The following SRGAP2 variants were observed in gnomAD, a reference collection of about 807,000 sequenced individuals.
SRGAP2 encodes SLIT-ROBO Rho GTPase-activating protein 2.
SRGAP2 carries 15 observed loss-of-function variants against 57.2 expected under a neutral mutation model. The ratio of observed to expected loss-of-function variants is 0.26; its 90% confidence interval spans 0.18 to 0.40. The LOEUF (loss-of-function observed/expected upper bound fraction) is 0.40. Among genes scored for constraint, SRGAP2 ranks in the 10% least tolerant of loss-of-function variants. The pLI is 1.00. For missense variants in SRGAP2, 520 were observed against 669.6 expected, an observed-to-expected ratio of 0.78 and a Z score of 2.47; for synonymous variants, 249 against 248.0, an observed-to-expected ratio of 1.00 and a Z score of -0.04.
At chr1:206,310,231 A>T (rs1672538934) in intron 3 of SRGAP2, among the ~76,000 whole-genome samples, 1 of 151,428 alleles carries the variant, frequency 6.6e-6, no homozygotes, top group African/African-American at 2.4e-5. Flanking sequence ...AGGAGATAGA[A>T]CATATGTACA....
At chr1:206,457,719 C>G (rs1663953766) in intron 21 of SRGAP2, among the ~76,000 whole-genome samples, 1 of 152,192 alleles carries the variant, frequency 6.6e-6, no homozygotes, top group South Asian at 2.1e-4. Context: ...ACTGTCCCCA[C>G]CTCACAGACC....
chr1:206,355,023 C>A (rs1254600717), intron 4 of SRGAP2, among the ~76,000 whole-genome samples: 2 of 152,100 alleles, frequency 1.3e-5, no homozygotes, highest in Admixed American at 1.3e-4. Flanking sequence ...TTAGTCAAGA[C>A]CTTCTCCTTT....
chr1:206,451,600 T>C (rs1663310658), intron 19 of SRGAP2, among the ~76,000 whole-genome samples: 1 of 152,180 alleles, frequency 6.6e-6, no homozygotes. Flanking sequence ...GGACTGCTTA[T>C]TTAGATCCTG....
chr1:206,416,044 C>T, intron 11 of SRGAP2, 71 bp downstream of exon 11: 1 of 706,148 alleles, frequency 1.4e-6, no homozygotes, highest in African/African-American at 1.8e-5. Flanking sequence ...GAGCACACGC[C>T]TCCATCCTCA....
At chr1:206,450,976 G>A (rs1663231029) in intron 19 of SRGAP2, among the ~76,000 whole-genome samples, 1 of 151,868 alleles carries the variant, frequency 6.6e-6, no homozygotes, top group South Asian at 2.1e-4. Context: ...GCCTGGCATG[G>A]TGGTGTGCAG....
intron 7 of SRGAP2, among the ~76,000 whole-genome samples, chr1:206,394,038 CT>C (rs577375533): frequency 0.025 from 1,236 of 49,906 alleles, 26 homozygotes; most frequent in African/African-American, 0.11. Flanking sequence ...TACTTTCTTC[CT>C]TTTTTTTTTT....
At chr1:206,355,666 C>G (rs1279445491) in intron 4 of SRGAP2, among the ~76,000 whole-genome samples, 2 of 152,110 alleles carry the variant, frequency 1.3e-5, no homozygotes, top group Admixed American at 6.5e-5. Flanking sequence ...TCTTACTTGA[C>G]TATAAGATGC....
In SRGAP2 at chr1:206,464,392, A is replaced by G. The variant is rs926644171; in HGVS notation, c.*2972A>G. ...ACTCAACAGATGTTGGATTGGGGAA[A>G]ATCCAAAGCACAACTTCAAAATAAA... On this transcript the variant is annotated 3_prime_UTR_variant, in exon 23 of 23. Coordinates refer to ENST00000573034, the MANE Select transcript of SRGAP2 (RefSeq NM_015326.5). The G allele has an allele frequency of 3.3e-5, 5 of 152,758 alleles. No homozygotes were observed. The highest frequency in any genetic ancestry group is 5.9e-5 in the Non-Finnish European group (4 of 68,032). The allele number at this position is 152,758 out of a possible 1,614,324, so 9.5% of individuals were successfully genotyped here.
intron 10 of SRGAP2, among the ~76,000 whole-genome samples, chr1:206,413,682 A>G (rs1553360341): frequency 1.3e-5 from 2 of 152,184 alleles, no homozygotes; most frequent in Admixed American, 1.3e-4. Flanking sequence ...GCATTTATTG[A>G]GTATCTGCTA....
At chr1:206,370,397 A>G (rs1654424224) in intron 4 of SRGAP2, among the ~76,000 whole-genome samples, 2 of 152,262 alleles carry the variant, frequency 1.3e-5, no homozygotes, top group African/African-American at 2.4e-5. Flanking sequence ...TCATGTCCAT[A>G]CAATAGAGTA....
chr1:206,433,329 T>TTTC (rs1306676065), intron 14 of SRGAP2, among the ~76,000 whole-genome samples: 1 of 152,130 alleles, frequency 6.6e-6, no homozygotes, highest in Non-Finnish European at 1.5e-5. Context: ...AACATTAGTG[T>TTTC]TTCCTGTACT....
intron 14 of SRGAP2, among the ~76,000 whole-genome samples, chr1:206,435,794 C>T (rs1424695234): frequency 1.3e-5 from 2 of 152,218 alleles, no homozygotes; most frequent in African/African-American, 4.8e-5. Context: ...ATTATTATTT[C>T]TGAGGACCAA....
At chr1:206,372,985 C>CTT (rs1654795822) in intron 4 of SRGAP2, among the ~76,000 whole-genome samples, 8 of 81,434 alleles carry the variant, frequency 9.8e-5, no homozygotes, top group Non-Finnish European at 1.6e-4. Flanking sequence ...TTCTTTCTTT[C>CTT]TTTCTTTCTT....
At chr1:206,350,455 TA>T (rs1368133030) in intron 4 of SRGAP2, among the ~76,000 whole-genome samples, 12 of 151,840 alleles carry the variant, frequency 7.9e-5, no homozygotes, top group Non-Finnish European at 1.6e-4. Flanking sequence ...TTTTATTATG[TA>T]AATTATGCCT....
intron 3 of SRGAP2, among the ~76,000 whole-genome samples, chr1:206,319,026 T>C (rs535400170): frequency 1.5e-3 from 235 of 152,320 alleles, no homozygotes; most frequent in African/African-American, 5.2e-3. Context: ...GTTTTTATGA[T>C]ATACTGATTA....
At chr1:206,370,516 G>T (rs1445427197) in intron 4 of SRGAP2, among the ~76,000 whole-genome samples, 1 of 152,154 alleles carries the variant, frequency 6.6e-6, no homozygotes, top group Non-Finnish European at 1.5e-5. Flanking sequence ...CATATTATAT[G>T]ATTCCATTTA....
chr1:206,419,225 G>C (rs1350088398), intron 11 of SRGAP2, 148 bp from the exon 12 acceptor site: 11 of 618,618 alleles, frequency 1.8e-5, no homozygotes, highest in Non-Finnish European at 2.4e-5. Context: ...GTCTCTCTCT[G>C]TCTCTCTCTC....
At chr1:206,423,138 C>A (rs1660462609) in intron 13 of SRGAP2, among the ~76,000 whole-genome samples, 1 of 152,170 alleles carries the variant, frequency 6.6e-6, no homozygotes, top group Non-Finnish European at 1.5e-5. Flanking sequence ...TAAACCATCC[C>A]AGACCTTTTT....
intron 2 of SRGAP2, among the ~76,000 whole-genome samples, chr1:206,230,415 A>T (rs1558236730): frequency 1.4e-5 from 2 of 142,948 alleles, no homozygotes. Flanking sequence ...TACTGGCATG[A>T]CCCATGACAC....
Sources: gnomAD v4.1 joint callset for allele counts (sites outside exome capture counted in the v4.1 genomes callset) on GRCh38, gnomAD v4.1.1 for gene constraint, MANE v1.5 for transcripts, NCBI Gene and HGNC (gene_info 2026-07-23, HGNC 2026-07-21) for gene names.